The following TIAM2 variants were observed in gnomAD, a reference collection of about 807,000 sequenced individuals.
TIAM2 encodes the protein TIAM Rac1 associated GEF 2.
Under a neutral mutation model 152.9 loss-of-function variants are expected in TIAM2, and 80 were observed. The observed-to-expected ratio is 0.52, with a 90% CI of 0.44 to 0.63. TIAM2 has a LOEUF of 0.63. TIAM2 is among the 30% of genes least tolerant of loss of function. TIAM2 has a pLI of 0.00. For synonymous variants in TIAM2, 804 were observed against 838.0 expected, an observed-to-expected ratio of 0.96 and a Z score of 0.70; for missense variants, 1,965 against 2,120.1, an observed-to-expected ratio of 0.93 and a Z score of 1.44.
intron 1 of TIAM2, among the ~76,000 whole-genome samples, chr6:155,058,805 T>A (rs1362835587): frequency 6.6e-6 from 1 of 152,182 alleles, no homozygotes; most frequent in African/African-American, 2.4e-5. Context: ...GATAATTATG[T>A]TAAGATGAGA....
At chr6:155,162,717 T>G (rs1344789684) in intron 7 of TIAM2, among the ~76,000 whole-genome samples, 5 of 152,206 alleles carry the variant, frequency 3.3e-5, no homozygotes, top group African/African-American at 1.2e-4. Context: ...TCTTCAGGCG[T>G]AGGACCTGGG....
chr6:155,016,514 TG>T (rs1778587893), intron 1 of TIAM2, among the ~76,000 whole-genome samples: 1 of 149,974 alleles, frequency 6.7e-6, no homozygotes, highest in Non-Finnish European at 1.5e-5. Context: ...TACATTTAAA[TG>T]GTATTTACAT....
intron 1 of TIAM2, among the ~76,000 whole-genome samples, chr6:155,083,246 G>T (rs1401346299): frequency 6.6e-6 from 1 of 151,908 alleles, no homozygotes; most frequent in East Asian, 1.9e-4. Flanking sequence ...CTACTCAGGA[G>T]GCCGAGGCAG....
intron 22 of TIAM2, 113 bp from the exon 23 acceptor site, chr6:155,251,832 C>CT (rs1308603068): frequency 2.5e-6 from 2 of 809,302 alleles, no homozygotes; most frequent in Admixed American, 2.7e-5. Context: ...AGAGTGAGGT[C>CT]TTAGAGACTC....
At chr6:155,250,857 A>C in intron 21 of TIAM2, 56 bp from the exon 22 acceptor site, 1 of 1,540,842 alleles carries the variant, frequency 6.5e-7, no homozygotes, top group Non-Finnish European at 9.0e-7. Flanking sequence ...ATCTAACAAG[A>C]GATCATCTAG....
chr6:155,183,367 A>G lies in TIAM2; in HGVS notation c.2931A>G (p.Thr977=). 1 of 1,612,794 alleles carries G rather than the reference A, an allele frequency of 6.2e-7. No homozygotes were observed. The highest frequency in any genetic ancestry group is 8.5e-7 in the Non-Finnish European group (1 of 1,179,522). Residue 977 remains threonine, a synonymous_variant, in exon 14 of 27, where the codon ACA becomes ACG. Coordinates refer to ENST00000682666, the MANE Select transcript of TIAM2 (RefSeq NM_012454.4). ...GLTLIARPPD[T]KATLCTSWSD... ...CTCTGATTGCCCGGCCTCCGGACAC[A>G]AAAGCAACCCTGTGTACATCCTGGT... is the stretch of plus-strand genomic sequence containing the variant.
At position 155,066,136 on chromosome 6, in the gene TIAM2, G is replaced by A. The variant is rs9371854; in HGVS notation, c.-208-24153G>A. On this transcript the variant is annotated intron_variant, in intron 1 of 26. Transcript: ENST00000682666. ...CTGGGCCTTCTCCACTGAGACGGCCGCTCTTGTCCCCTTCTCAATTTTCCT... is the reference window on the plus strand; with the variant it reads ...CTGGGCCTTCTCCACTGAGACGGCCACTCTTGTCCCCTTCTCAATTTTCCT... Among the ~76,000 whole-genome samples the A allele has an allele frequency of 7.8e-4, 118 of 152,202 alleles. 2 individuals carry two copies. In the East Asian group the frequency reaches 0.022, roughly 28 times the overall value.
At chr6:155,223,914 T>C (rs1251515119) in intron 15 of TIAM2, among the ~76,000 whole-genome samples, 1 of 152,186 alleles carries the variant, frequency 6.6e-6, no homozygotes, top group Non-Finnish European at 1.5e-5. Flanking sequence ...AAAGAAGTAA[T>C]AGGCACAATT....
intron 14 of TIAM2, 36 bp downstream of exon 14, chr6:155,183,536 G>C: frequency 1.3e-6 from 2 of 1,559,294 alleles, no homozygotes; most frequent in Non-Finnish European, 8.7e-7. Flanking sequence ...TTAACTGCTG[G>C]TATCAACAGC....
chr6:155,077,453 C>G (rs752377907), intron 1 of TIAM2, among the ~76,000 whole-genome samples: 2 of 152,122 alleles, frequency 1.3e-5, no homozygotes, highest in Admixed American at 1.3e-4. Flanking sequence ...TTTACTCACT[C>G]AGTTCCTAGA....
intron 2 of TIAM2, among the ~76,000 whole-genome samples, chr6:155,108,860 C>T (rs67318389): frequency 0.11 from 16,357 of 152,020 alleles, 995 homozygotes; most frequent in East Asian, 0.24. Context: ...AACCACAAAG[C>T]GTAAATATCT....
At chr6:155,053,770 C>G (rs1267766740) in intron 1 of TIAM2, among the ~76,000 whole-genome samples, 1 of 152,188 alleles carries the variant, frequency 6.6e-6, no homozygotes, top group Non-Finnish European at 1.5e-5. Context: ...TACGCCTGGC[C>G]TAGCAAACAC....
At chr6:155,105,695 C>T (rs1006456857) in intron 2 of TIAM2, among the ~76,000 whole-genome samples, 1 of 152,012 alleles carries the variant, frequency 6.6e-6, no homozygotes, top group Admixed American at 6.6e-5. Flanking sequence ...AAGTGATCCT[C>T]CCACCTCAGC....
intron 14 of TIAM2, among the ~76,000 whole-genome samples, chr6:155,191,665 A>T (rs1188235973): frequency 6.6e-6 from 1 of 152,060 alleles, no homozygotes; most frequent in Non-Finnish European, 1.5e-5. Flanking sequence ...TGTGGCGCAC[A>T]CCTGTAGTTC....
chr6:155,046,095 C>T (rs571571265), intron 1 of TIAM2, among the ~76,000 whole-genome samples: 204 of 151,950 alleles, frequency 1.3e-3, no homozygotes, highest in Middle Eastern at 6.8e-3. Flanking sequence ...CCCACACTCC[C>T]GTGGAAGGAG....
At chr6:155,028,794 CTG>C (rs1489102235) in intron 1 of TIAM2, among the ~76,000 whole-genome samples, 6 of 133,454 alleles carry the variant, frequency 4.5e-5, no homozygotes, top group Admixed American at 1.6e-4. Context: ...AATATATATA[CTG>C]TGTTATATAC....
chr6:155,183,265 C>T lies in TIAM2; in HGVS notation c.2829C>T (p.Thr943=), dbSNP rs1428612791. The T allele has an allele frequency of 1.2e-6, 2 of 1,614,014 alleles. No homozygotes were observed. Among genetic ancestry groups the T allele is most frequent in the African/African-American group, 1.3e-5 (1 of 74,914 alleles). The change falls in exon 14 of 27, where the codon ACC becomes ACT. Residue 943 remains threonine (T), a synonymous_variant. Coordinates refer to ENST00000682666, the MANE Select transcript of TIAM2 (RefSeq NM_012454.4). ...EGLRKGNEIM[T]LNGEAVSDLD... is the part of the protein sequence containing the mutation. ...TGAGAAAGGGCAATGAGATCATGAC[C>T]TTAAATGGGGAAGCTGTGTCTGATC...
chr6:155,155,793 G>A (rs1214510122), intron 7 of TIAM2, among the ~76,000 whole-genome samples: 1 of 152,240 alleles, frequency 6.6e-6, no homozygotes, highest in Non-Finnish European at 1.5e-5. Context: ...TTTTTGTTAG[G>A]AGAATAAGAA....
At chr6:155,037,241 A>C (rs1356306576) in intron 1 of TIAM2, among the ~76,000 whole-genome samples, 1 of 152,134 alleles carries the variant, frequency 6.6e-6, no homozygotes, top group African/African-American at 2.4e-5. Context: ...TAAAATACTG[A>C]CCTCGAATAG....
Sources: gnomAD v4.1 joint callset for allele counts (sites outside exome capture counted in the v4.1 genomes callset) on GRCh38, gnomAD v4.1.1 for gene constraint, MANE v1.5 for transcripts, NCBI Gene and HGNC (gene_info 2026-07-23, HGNC 2026-07-21) for gene names.